SF3B3: variants seen among roughly 807,000 people sequenced by gnomAD.
SF3B3 encodes the protein splicing factor 3b subunit 3.
A neutral mutation model predicts 139.2 loss-of-function variants in SF3B3; 33 were observed. The observed-to-expected ratio is 0.24, with a 90% confidence interval of 0.18 to 0.32. SF3B3 has a LOEUF of 0.32. Among genes scored for constraint, SF3B3 ranks in the 10% least tolerant of loss-of-function variants. The pLI, the probability that SF3B3 is intolerant of heterozygous loss-of-function variation, is 1.00. For missense variants in SF3B3, 818 were observed against 1,509.4 expected (o/e 0.54, Z 7.59); for synonymous variants, 596 against 563.6 (o/e 1.06, Z -0.81).
rs1005219172 is a variant in SF3B3 at position 70,532,529 on chromosome 16, A to G, written c.621A>G (p.Thr207=). The G allele has an allele frequency of 1.9e-6, 3 of 1,613,986 alleles. No individual in the cohort carries two copies. Among genetic ancestry groups the G allele is most frequent in the African/African-American group, 2.7e-5 (2 of 74,904 alleles). The change falls in exon 5 of 26, where the codon ACA becomes ACG. Residue 207 remains threonine, a synonymous_variant. Transcript: ENST00000302516. ...TGEAAANTQQ[T]LTFYELDLGL... ...AAGCAGCAGCTAATACCCAGCAGAC[A>G]CTTACTTTCTATGAGCTAGACCTTG...
Position 70,572,100 on chromosome 16 carries a change from A to T in SF3B3, c.*287A>T. ...ATTCCCCAAAGCCATCCCTGCATTG[A>T]TATGTCTTGACTCTCCTGTCTACTT... On this transcript the variant is annotated 3_prime_UTR_variant, in exon 26 of 26. Transcript: ENST00000302516. The T allele has an allele frequency of 1.7e-6, 1 of 587,298 alleles. No homozygotes were observed. The highest frequency in any genetic ancestry group is 3.8e-5 in the East Asian group (1 of 26,280). 36.4% of individuals were successfully genotyped at this position (587,298 alleles called of 1,614,324 possible). A position where few individuals can be genotyped will look rare whatever the true frequency, so the allele number is the denominator to read the frequency against.
chr16:70,553,716 C>T (rs773494830), intron 11 of SF3B3, among the ~76,000 whole-genome samples: 11 of 152,096 alleles, frequency 7.2e-5, no homozygotes, highest in Non-Finnish European at 1.6e-4. Flanking sequence ...TCTGGTATAC[C>T]TCAAGTCCTC....
rs563394087 is a variant in SF3B3 at position 70,541,577 on chromosome 16, A to G, written c.1068-92A>G. 42 of 1,005,932 alleles carry G rather than the reference A, an allele frequency of 4.2e-5. No homozygotes were observed. The South Asian group carries it at 4.5e-4, about 11-fold the overall frequency. The allele number at this position is 1,005,932 out of a possible 1,614,324, so 62.3% of individuals were successfully genotyped here. A position where few individuals can be genotyped will look rare whatever the true frequency, so the allele number is the denominator to read the frequency against. On this transcript the variant is annotated intron_variant, in intron 8 of 25. Transcript: ENST00000302516. Reference sequence around the variant, plus strand: ...AATAATAACAATAGTATCTTAATATAATCAAATAGCTTGTGCTTTATGTTG... The same window carrying G: ...AATAATAACAATAGTATCTTAATATGATCAAATAGCTTGTGCTTTATGTTG...
chr16:70,570,974 T>C, intron 24 of SF3B3, 121 bp from the exon 25 acceptor site: 1 of 732,624 alleles, frequency 1.4e-6, no homozygotes, highest in East Asian at 2.5e-5. Flanking sequence ...AGAAAGTGAT[T>C]AGATATTTCC....
intron 6 of SF3B3, among the ~76,000 whole-genome samples, chr16:70,536,116 T>C (rs2050163414): frequency 6.6e-6 from 1 of 152,124 alleles, no homozygotes; most frequent in African/African-American, 2.4e-5. Flanking sequence ...AAAGTTCCTT[T>C]GTAATTAATT....
rs368676415 is a variant in SF3B3 at position 70,529,082 on chromosome 16, C to G, written c.280C>G (p.Pro94Ala). 1 of 1,614,128 alleles carries G rather than the reference C, an allele frequency of 6.2e-7. No individual in the cohort carries two copies. Among genetic ancestry groups the G allele is most frequent in the East Asian group, 2.2e-5 (1 of 44,886 alleles). Residue 94 changes from proline to alanine, a missense_variant, in exon 3 of 26, where the codon CCA becomes GCA. By Grantham distance (27) the Pro-to-Ala change is conservative (BLOSUM62 -1). This residue lies in a region of SF3B3 where 144 missense variants were observed against 259.2 expected (regional missense o/e 0.56). Transcript: ENST00000302516. ...TCGAATTGTTATTTTGGAATACCAGCCATCTAAGAATATGTTTGAGAAGAT... is the reference window on the plus strand; with the variant it reads ...TCGAATTGTTATTTTGGAATACCAGGCATCTAAGAATATGTTTGAGAAGAT... The part of the protein sequence containing the change: ...SGRIVILEYQ[P>A]SKNMFEKIHQ...
intron 9 of SF3B3, 80 bp from the exon 10 acceptor site, chr16:70,544,358 G>A (rs1318727912): frequency 5.1e-6 from 4 of 785,772 alleles, no homozygotes; most frequent in Non-Finnish European, 8.9e-6. Flanking sequence ...GCAGCTGGAT[G>A]TCTGGGATAC....
At chr16:70,545,957 G>C (rs2050264034) in intron 10 of SF3B3, among the ~76,000 whole-genome samples, 1 of 152,130 alleles carries the variant, frequency 6.6e-6, no homozygotes, top group African/African-American at 2.4e-5. Context: ...CCAATTTAGA[G>C]CCATAGGTCT....
chr16:70,560,206 C>T (rs2050416274), intron 15 of SF3B3: 1 of 223,710 alleles, frequency 4.5e-6, no homozygotes, highest in Non-Finnish European at 8.9e-6. Flanking sequence ...ATTTAATATA[C>T]TTGGTAAAAA....
At chr16:70,554,337 C>T in intron 11 of SF3B3, 109 bp from the exon 12 acceptor site, 1 of 1,011,706 alleles carries the variant, frequency 9.9e-7, no homozygotes, top group Non-Finnish European at 1.5e-6. Flanking sequence ...AATAACTACA[C>T]ATAGAAGAAC....
chr16:70,557,669 T>C (rs1051667618), intron 15 of SF3B3, among the ~76,000 whole-genome samples: 39 of 152,170 alleles, frequency 2.6e-4, no homozygotes, highest in African/African-American at 8.9e-4. Flanking sequence ...TTTTTTTAGT[T>C]TTTTTTCTTT....
chr16:70,565,638 C>T, intron 20 of SF3B3, 114 bp downstream of exon 20: 1 of 936,014 alleles, frequency 1.1e-6, no homozygotes, highest in South Asian at 1.7e-5. Flanking sequence ...CAATCTCTCT[C>T]TTACCAGCAC....
intron 25 of SF3B3, 71 bp from the exon 26 acceptor site, chr16:70,571,602 C>T (rs1321656612): frequency 1.3e-6 from 2 of 1,505,030 alleles, no homozygotes; most frequent in Non-Finnish European, 1.8e-6. Context: ...CCTACAAGTG[C>T]TGCTTTAGCA....
chr16:70,567,351 G>A (rs7197262), intron 20 of SF3B3, 60 bp from the exon 21 acceptor site: 668,881 of 1,553,466 alleles, frequency 0.43, 148,364 homozygotes, highest in South Asian at 0.65. Context: ...TGGGCAGAGA[G>A]GTGAGGCCTG....
chr16:70,553,535 C>G (rs1175118776), intron 11 of SF3B3, among the ~76,000 whole-genome samples: 1 of 152,028 alleles, frequency 6.6e-6, no homozygotes, highest in African/African-American at 2.4e-5. Flanking sequence ...CAAATGTAAA[C>G]TAGGAAAATC....
chr16:70,569,857 G>A lies in SF3B3; in HGVS notation c.3265-149G>A, dbSNP rs533121116. The A allele has an allele frequency of 6.9e-5, 57 of 825,386 alleles. 1 individual carries two copies. The South Asian group carries it at 9.9e-4, about 14-fold the overall frequency. The allele number at this position is 825,386 out of a possible 1,614,324, so 51.1% of individuals were successfully genotyped here. ...GCCCAGGCTGGTCTTGAAATCCTGG[G>A]CTCAAGCAATCCTCCCACGTTGGCC... On this transcript the variant is annotated intron_variant, in intron 23 of 25. Coordinates refer to ENST00000302516, the MANE Select transcript of SF3B3 (RefSeq NM_012426.5).
At chr16:70,559,695 A>G (rs2050410571) in intron 15 of SF3B3, among the ~76,000 whole-genome samples, 1 of 152,126 alleles carries the variant, frequency 6.6e-6, no homozygotes, top group Non-Finnish European at 1.5e-5. Context: ...TCAATAAATA[A>G]ATAAATAAAA....
At position 70,548,384 on chromosome 16, in the gene SF3B3, T is replaced by C; in HGVS notation, c.1344T>C (p.Ala448=). 6.2e-7 allele frequency: 1 copy of C among 1,614,078 alleles called. No individual in the cohort carries two copies. Among genetic ancestry groups the C allele is most frequent in the Non-Finnish European group, 8.5e-7 (1 of 1,179,952 alleles). The change falls in exon 11 of 26, where the codon GCT becomes GCC. Residue 448 remains alanine (A), a synonymous_variant. Coordinates refer to ENST00000302516, the MANE Select transcript of SF3B3 (RefSeq NM_012426.5). ...TCTCCTGTCAGGTGTCAGAAATGGCTGTTTCTGAGCTACCTGGTAACCCCA... is the reference window on the plus strand; with the variant it reads ...TCTCCTGTCAGGTGTCAGAAATGGCCGTTTCTGAGCTACCTGGTAACCCCA... ...LRHGLEVSEM[A]VSELPGNPNA...
chr16:70,571,018 C>T, intron 24 of SF3B3, 77 bp from the exon 25 acceptor site: 1 of 932,858 alleles, frequency 1.1e-6, no homozygotes, highest in Non-Finnish European at 1.8e-6. Context: ...AATGGCTTGT[C>T]TGTTCGTTGT....
Sources: allele counts gnomAD v4.1 joint callset (sites outside exome capture counted in the v4.1 genomes callset), GRCh38; gene constraint gnomAD v4.1.1; regional missense constraint gnomAD v4.1.1; transcripts MANE v1.5; gene names NCBI Gene and HGNC (gene_info 2026-07-23, HGNC 2026-07-21).